Variants in TAF3 observed in about 807,000 individuals in gnomAD.
TAF3 encodes transcription initiation factor TFIID subunit 3.
Under a neutral mutation model 80.6 loss-of-function variants are expected in TAF3, and 7 were observed. That is an observed-to-expected ratio of 0.09 (90% CI 0.05 to 0.16). The LOEUF (loss-of-function observed/expected upper bound fraction) is 0.16, where lower values mean the gene tolerates loss of function less well. Among genes scored for constraint, TAF3 ranks in the 10% least tolerant of loss-of-function variants. The pLI, the probability that TAF3 is intolerant of heterozygous loss-of-function variation, is 1.00. For missense variants in TAF3, 921 were observed against 1,140.2 expected (o/e 0.81, Z 2.77); for synonymous variants, 444 against 446.1 (o/e 1.00, Z 0.06).
chr10:7,868,340 T>C (rs1410117000), intron 2 of TAF3, among the ~76,000 whole-genome samples: 1 of 151,788 alleles, frequency 6.6e-6, no homozygotes, highest in Non-Finnish European at 1.5e-5. Flanking sequence ...GTGGAGGCAG[T>C]GTGACATAGT....
At position 7,840,662 on chromosome 10, in the gene TAF3, C is replaced by T. The variant is rs1335975000; in HGVS notation, c.409+16102C>T. On this transcript the variant is annotated intron_variant, in intron 2 of 6. Transcript: ENST00000344293. The stretch of plus-strand genomic sequence containing the variant: ...GACGGGAATATCAAGGAGGAGCAGG[C>T]AATACATGCTTGTGGCTGGCTCAGT... Among the ~76,000 whole-genome samples the T allele has an allele frequency of 2.0e-5, 3 of 151,952 alleles. No individual in the cohort carries two copies. The East Asian group carries it at 5.8e-4, about 29-fold the overall frequency.
At position 8,009,306 on chromosome 10, in the gene TAF3, G is replaced by A; in HGVS notation, c.2544G>A (p.Val848=). The A allele has an allele frequency of 6.3e-7, 1 of 1,591,396 alleles. No individual in the cohort carries two copies. Residue 848 remains valine, a synonymous_variant, in exon 5 of 7, where the codon GTG becomes GTA. Transcript: ENST00000344293. This position sits in a 1 kb window ranked among gnomAD's most constrained non-coding sequence, Gnocchi z 4.1. The part of the protein sequence containing the change: ...ASAKAPVRSV[V]TETVSTYVIR... ...CCAAAGCCCCCGTGCGCAGCGTGGT[G>A]ACTGAGACGGTCAGCACCTACGTGG...
intron 2 of TAF3, among the ~76,000 whole-genome samples, chr10:7,891,267 ATTGAT>A: frequency 6.6e-6 from 1 of 152,110 alleles, no homozygotes. Context: ...TTCATCTTTT[ATTGAT>A]TTATTTGCTT....
At chr10:7,930,812 G>C (rs899189647) in intron 2 of TAF3, among the ~76,000 whole-genome samples, 2 of 151,800 alleles carry the variant, frequency 1.3e-5, no homozygotes, top group African/African-American at 4.8e-5. Context: ...AGTAGCAGAG[G>C]ATATTGCTAT....
At chr10:7,870,754 A>G (rs1265183644) in intron 2 of TAF3, among the ~76,000 whole-genome samples, 1 of 151,794 alleles carries the variant, frequency 6.6e-6, no homozygotes, top group Admixed American at 6.6e-5. Context: ...GCCTGCCCCC[A>G]CTTAACATTT....
intron 2 of TAF3, among the ~76,000 whole-genome samples, chr10:7,886,408 A>G (rs1443541856): frequency 6.6e-6 from 1 of 151,958 alleles, no homozygotes; most frequent in Non-Finnish European, 1.5e-5. Context: ...CAATTCTTCC[A>G]TATTTGCCTT....
intron 2 of TAF3, among the ~76,000 whole-genome samples, chr10:7,937,623 C>G (rs1453523760): frequency 6.6e-6 from 1 of 151,968 alleles, no homozygotes; most frequent in African/African-American, 2.4e-5. Context: ...ATATATTTTT[C>G]TCATAGTCTG....
At chr10:7,973,349 C>G (rs1831638620) in intron 3 of TAF3, among the ~76,000 whole-genome samples, 1 of 152,182 alleles carries the variant, frequency 6.6e-6, no homozygotes, top group Admixed American at 6.5e-5. Context: ...TGCGTACATG[C>G]TAGTGTTGTC....
Position 8,013,852 on chromosome 10 carries a change from C to T in TAF3, c.2675+15C>T, listed in dbSNP as rs555928246. On this transcript the variant is annotated intron_variant, in intron 6 of 6. Transcript: ENST00000344293. ...TGGTACCACTGGTGAGTGCCCAGGG[C>T]GCCCTGCCGGCCACACTCATTAGGC... The T allele has an allele frequency of 4.4e-6, 7 of 1,608,456 alleles. No homozygotes were observed. Among genetic ancestry groups the T allele is most frequent in the South Asian group, 2.2e-5 (2 of 90,952 alleles).
At chr10:7,824,648 A>C (rs921993379) in intron 2 of TAF3, 88 bp downstream of exon 2, 1 of 1,457,074 alleles carries the variant, frequency 6.9e-7, no homozygotes. Flanking sequence ...CAACTTTATA[A>C]ATTCTGGAAA....
At chr10:7,978,698 A>T (rs1175073423) in intron 4 of TAF3, among the ~76,000 whole-genome samples, 1 of 152,202 alleles carries the variant, frequency 6.6e-6, no homozygotes, top group East Asian at 1.9e-4. Context: ...TTCCATCTCC[A>T]TGCAAATTCT....
chr10:7,925,150 A>G (rs1306568547), intron 2 of TAF3, among the ~76,000 whole-genome samples: 4 of 152,186 alleles, frequency 2.6e-5, no homozygotes, highest in African/African-American at 4.8e-5. Context: ...ATAAAAGTCT[A>G]TTTTTAAACT....
chr10:7,883,143 C>T (rs993011465), intron 2 of TAF3, among the ~76,000 whole-genome samples: 1 of 152,208 alleles, frequency 6.6e-6, no homozygotes, highest in African/African-American at 2.4e-5. Context: ...CCCTCCGTAG[C>T]AAAAGGAAAG....
At chr10:7,948,112 G>T (rs191386482) in intron 2 of TAF3, among the ~76,000 whole-genome samples, 43 of 151,646 alleles carry the variant, frequency 2.8e-4, no homozygotes, top group African/African-American at 8.7e-4. Context: ...GCCCCGGCTG[G>T]AACGCAGTGG....
intron 2 of TAF3, among the ~76,000 whole-genome samples, chr10:7,876,032 A>G (rs540220055): frequency 6.6e-6 from 1 of 151,882 alleles, no homozygotes; most frequent in South Asian, 2.1e-4. Flanking sequence ...TTTTAAATTT[A>G]TATTTATAAA....
chr10:7,934,951 G>GA (rs998277077), intron 2 of TAF3, among the ~76,000 whole-genome samples: 15 of 152,040 alleles, frequency 9.9e-5, no homozygotes, highest in South Asian at 4.1e-4. Flanking sequence ...TTGTCTGGGG[G>GA]AAAAAACACA....
intron 2 of TAF3, among the ~76,000 whole-genome samples, chr10:7,885,358 C>T (rs750814898): frequency 2.7e-4 from 41 of 152,038 alleles, no homozygotes; most frequent in African/African-American, 3.6e-4. Context: ...TAGTTAGATT[C>T]GTTTATTTCC....
intron 1 of TAF3, among the ~76,000 whole-genome samples, chr10:7,819,223 C>G (rs1323824474): frequency 3.3e-5 from 5 of 152,076 alleles, no homozygotes; most frequent in African/African-American, 1.2e-4. Context: ...CCTACACCCT[C>G]TTTTACCTCG....
intron 3 of TAF3, among the ~76,000 whole-genome samples, chr10:7,966,517 G>A (rs550574509): frequency 1.2e-4 from 18 of 152,294 alleles, no homozygotes; most frequent in African/African-American, 4.1e-4. Context: ...TTGCTTTTCA[G>A]TCTGTGGTTT....
Sources: allele counts gnomAD v4.1 joint callset (sites outside exome capture counted in the v4.1 genomes callset), GRCh38; gene constraint gnomAD v4.1.1; non-coding constraint Gnocchi (gnomAD v3.1); transcripts MANE v1.5; gene names NCBI Gene and HGNC (gene_info 2026-07-23, HGNC 2026-07-21).